The following NAV3 variants were observed in gnomAD, a reference collection of about 807,000 sequenced individuals.
The protein encoded by NAV3 is pore membrane and/or filament interacting like protein 1.
A neutral mutation model predicts 244.7 loss-of-function variants in NAV3; 87 were observed. That is an observed-to-expected ratio of 0.36 (90% CI 0.30 to 0.42). The LOEUF is 0.42. Among genes scored for constraint, NAV3 ranks in the 20% least tolerant of loss-of-function variants. The pLI is 1.00. For missense variants in NAV3, 2,663 were observed against 2,893.3 expected, an observed-to-expected ratio of 0.92 and a Z score of 1.83; for synonymous variants, 1,126 against 1,042.2, an observed-to-expected ratio of 1.08 and a Z score of -1.55.
At chr12:78,027,091 A>G (rs534556566) in intron 9 of NAV3, among the ~76,000 whole-genome samples, 1 of 152,296 alleles carries the variant, frequency 6.6e-6, no homozygotes, top group African/African-American at 2.4e-5. Context: ...AAGTAATGTT[A>G]GAGTTCAGAA....
At chr12:78,005,030 A>T (rs183447722) in intron 7 of NAV3, among the ~76,000 whole-genome samples, 215 of 152,268 alleles carry the variant, frequency 1.4e-3, no homozygotes, top group African/African-American at 5.0e-3. Context: ...CTAAGGAAAG[A>T]GCACCTTCTC....
At chr12:77,850,291 A>T (rs765601708) in intron 1 of NAV3, among the ~76,000 whole-genome samples, 5 of 152,190 alleles carry the variant, frequency 3.3e-5, no homozygotes, top group Non-Finnish European at 5.9e-5. Context: ...CTCTATTGCC[A>T]GGGTAGGTTT....
intron 1 of NAV3, among the ~76,000 whole-genome samples, chr12:77,877,814 G>T (rs2093123182): frequency 1.3e-5 from 2 of 152,092 alleles, no homozygotes; most frequent in South Asian, 4.1e-4. Flanking sequence ...GGAGGAGGGA[G>T]AGGCGAAAAA....
At chr12:78,016,364 A>T (rs543295940) in intron 8 of NAV3, among the ~76,000 whole-genome samples, 1 of 152,148 alleles carries the variant, frequency 6.6e-6, no homozygotes, top group African/African-American at 2.4e-5. Flanking sequence ...TAATACCTCC[A>T]ATTCCAACTC....
rs139954876 is a variant in NAV3 at position 77,810,523 on chromosome 12, A to G, written c.73-129796A>G. On this transcript the variant is annotated intron_variant, in intron 2 of 8. Transcript: ENST00000550042. ...CTGATCTTTTATTACTTAGTGAATA[A>G]TTGAATGGTTTAAATTGACACATTA... is the stretch of plus-strand genomic sequence containing the variant. Among the ~76,000 whole-genome samples, 203 of 152,282 alleles carry G rather than the reference A, an allele frequency of 1.3e-3. 1 individual carries two copies. The highest frequency in any genetic ancestry group is 4.6e-3 in the African/African-American group (191 of 41,558).
chr12:78,144,528 A>G (rs1263567577), intron 20 of NAV3, among the ~76,000 whole-genome samples: 2 of 152,170 alleles, frequency 1.3e-5, no homozygotes, highest in African/African-American at 4.8e-5. Flanking sequence ...TAATAACCAC[A>G]GAGTACGAAA....
chr12:77,617,156 C>T (rs548298040), intron 2 of NAV3, among the ~76,000 whole-genome samples: 1 of 152,106 alleles, frequency 6.6e-6, no homozygotes, highest in Non-Finnish European at 1.5e-5. Flanking sequence ...GTATACTGGA[C>T]AATTTTTAAA....
At chr12:77,945,382 C>T (rs371159077) in intron 3 of NAV3, among the ~76,000 whole-genome samples, 6 of 152,070 alleles carry the variant, frequency 3.9e-5, no homozygotes, top group South Asian at 2.1e-4. Context: ...GGTGAAGATA[C>T]GGATACTTGA....
At chr12:77,641,064 G>A (rs935280707) in intron 2 of NAV3, among the ~76,000 whole-genome samples, 46 of 152,278 alleles carry the variant, frequency 3.0e-4, no homozygotes, top group African/African-American at 1.1e-3. Context: ...GGAGTAGGAT[G>A]TGATTGCTGT....
In NAV3 at chr12:78,179,614, A is replaced by G. The variant is rs767994076; in HGVS notation, c.5449A>G (p.Ile1817Val). The change falls in exon 29 of 40, where the codon ATT (isoleucine) becomes GTT (valine). Residue 1817 changes from isoleucine (I) to valine (V), a missense_variant. Physicochemically the swap from Ile to Val is conservative, Grantham distance 29. This residue lies in a region of NAV3 where 4 missense variants were observed against 20.2 expected (regional missense o/e 0.20). Transcript: ENST00000397909. ...LREKELKLTD[I>V]RLEALSSAHH... ...AGAAAAGGAATTAAAATTAACGGAT[A>G]TTCGGCTGGAGGCCCTCAGCTCTGC... The G allele has an allele frequency of 6.2e-7, 1 of 1,613,278 alleles. No individual in the cohort carries two copies.
At chr12:78,076,409 T>C (rs1375207546) in intron 12 of NAV3, among the ~76,000 whole-genome samples, 1 of 152,208 alleles carries the variant, frequency 6.6e-6, no homozygotes, top group East Asian at 1.9e-4. Flanking sequence ...CCATGTTATA[T>C]TGAGGACTCT....
intron 23 of NAV3, among the ~76,000 whole-genome samples, chr12:78,166,575 C>T (rs1957789843): frequency 6.6e-6 from 1 of 151,610 alleles, no homozygotes. Context: ...AGTTATTCTT[C>T]CTTTTACATA....
chr12:77,880,173 G>C (rs1242064486), intron 1 of NAV3, among the ~76,000 whole-genome samples: 1 of 152,108 alleles, frequency 6.6e-6, no homozygotes, highest in Non-Finnish European at 1.5e-5. Flanking sequence ...AAATATATCT[G>C]AACCTCCATT....
chr12:77,626,097 A>G (rs187333107), intron 2 of NAV3, among the ~76,000 whole-genome samples: 2 of 152,314 alleles, frequency 1.3e-5, no homozygotes, highest in African/African-American at 2.4e-5. Context: ...AGAGATAGAT[A>G]TCATAAAAAG....
intron 17 of NAV3, among the ~76,000 whole-genome samples, 167 bp from the exon 18 acceptor site, chr12:78,128,539 A>G (rs1956024750): frequency 6.6e-6 from 1 of 152,176 alleles, no homozygotes; most frequent in Non-Finnish European, 1.5e-5. Flanking sequence ...TATGTGATTC[A>G]AACAGATGGC....
chr12:78,005,645 A>G (rs767318777), intron 7 of NAV3, among the ~76,000 whole-genome samples: 2 of 152,230 alleles, frequency 1.3e-5, no homozygotes, highest in African/African-American at 2.4e-5. Flanking sequence ...CAAGAAAATT[A>G]TAGAGCTTGG....
chr12:78,032,373 T>C (rs1419787775), intron 9 of NAV3, among the ~76,000 whole-genome samples: 1 of 152,144 alleles, frequency 6.6e-6, no homozygotes, highest in Non-Finnish European at 1.5e-5. Flanking sequence ...GTAATGAAAG[T>C]TTAAAAAGGT....
At chr12:78,034,753 C>CA (rs1201372461) in intron 9 of NAV3, among the ~76,000 whole-genome samples, 28 of 152,074 alleles carry the variant, frequency 1.8e-4, no homozygotes, top group South Asian at 2.1e-4. Flanking sequence ...CACTGTGTCA[C>CA]AATAACTCAA....
At chr12:78,016,706 T>G (rs1292123153) in intron 8 of NAV3, among the ~76,000 whole-genome samples, 2 of 152,222 alleles carry the variant, frequency 1.3e-5, no homozygotes, top group African/African-American at 4.8e-5. Context: ...CAGTTCTACT[T>G]GTGTCTACAT....
Sources: allele counts gnomAD v4.1 joint callset (sites outside exome capture counted in the v4.1 genomes callset), GRCh38; gene constraint gnomAD v4.1.1; regional missense constraint gnomAD v4.1.1; transcripts MANE v1.5; gene names NCBI Gene and HGNC (gene_info 2026-07-23, HGNC 2026-07-21).